CDC25B: variants seen among roughly 807,000 people sequenced by gnomAD.
The protein encoded by CDC25B is cell division cycle 25B, also known as M-phase inducer phosphatase 2.
Under a neutral mutation model 69.8 loss-of-function variants are expected in CDC25B, and 33 were observed. The observed-to-expected ratio is 0.47, with a 90% CI of 0.36 to 0.63. CDC25B has a LOEUF of 0.63. CDC25B is among the 30% of genes least tolerant of loss of function. The probability of loss-of-function intolerance (pLI) is 0.00; values close to 1 mark genes in which losing one functional copy is unlikely to be tolerated. For missense variants in CDC25B, 727 were observed against 809.1 expected (o/e 0.90, Z 1.23); for synonymous variants, 341 against 314.6 (o/e 1.08, Z -0.89).
At chr20:3,797,512 T>C in intron 1 of CDC25B, 110 bp from the exon 2 acceptor site, 1 of 1,377,542 alleles carries the variant, frequency 7.3e-7, no homozygotes, top group Non-Finnish European at 1.0e-6. Context: ...TTTCCCGGTG[T>C]AGTGTTTCGC....
intron 11 of CDC25B, 188 bp from the exon 12 acceptor site, chr20:3,802,722 C>T: frequency 1.6e-6 from 1 of 621,882 alleles, no homozygotes. Flanking sequence ...TCTCTTTCCC[C>T]TTGGAAGGTT....
chr20:3,801,740 C>T lies in CDC25B; in HGVS notation c.859C>T (p.Pro287Ser). 6.2e-7 allele frequency: 1 copy of T among 1,604,668 alleles called. No homozygotes were observed. The highest frequency in any genetic ancestry group is 2.2e-5 in the East Asian group (1 of 44,866). The part of the protein sequence containing the change: ...SDLKDDDAVP[P>S]GMESLISAPL... The stretch of plus-strand genomic sequence containing the variant: ...GCCTCAGGATGATGATGCAGTTCCC[C>T]CAGGCATGGAGAGTCTCATTAGTGC... Residue 287 changes from proline to serine, a missense_variant, in exon 9 of 16, where the codon CCA becomes TCA. By Grantham distance (74) the Pro-to-Ser change is moderately conservative. Around this residue, in one of 2 missense-constraint regions of CDC25B, gnomAD observed 359 missense variants for 463.4 expected, o/e 0.77. Transcript: ENST00000245960.
At chr20:3,790,099 T>G (rs2088889406) in intron 1 of CDC25B, among the ~76,000 whole-genome samples, 1 of 151,744 alleles carries the variant, frequency 6.6e-6, no homozygotes, top group African/African-American at 2.4e-5. Flanking sequence ...GAGGCTGCAA[T>G]GAACTATGAT....
intron 1 of CDC25B, among the ~76,000 whole-genome samples, chr20:3,791,144 A>G (rs1229621840): frequency 6.6e-6 from 1 of 152,250 alleles, no homozygotes; most frequent in Non-Finnish European, 1.5e-5. Context: ...TGCACAGTGC[A>G]AAGGAATCAC....
In CDC25B at chr20:3,798,486, A is replaced by G. The variant is rs767818205; in HGVS notation, c.380+23A>G. On this transcript the variant is annotated intron_variant, in intron 3 of 15. Coordinates refer to ENST00000245960, the MANE Select transcript of CDC25B (RefSeq NM_021873.4). ...GACGTGAGTAGAGAAGGGAATGTGT[A>G]CTTCCAAGCATTCAGCACCTGTCTT... 9 of 1,563,240 alleles carry G rather than the reference A, an allele frequency of 5.8e-6. No homozygotes were observed. In the East Asian group the frequency reaches 2.1e-4, roughly 36 times the overall value.
Position 3,803,074 on chromosome 20 carries a change from A to G in CDC25B, c.1258-34A>G. 2 of 1,600,102 alleles carry G rather than the reference A, an allele frequency of 1.2e-6. No homozygotes were observed. Among genetic ancestry groups the G allele is most frequent in the Non-Finnish European group, 1.7e-6 (2 of 1,167,526 alleles). ...GGGCCACCTGCCAGCTGCCAGCCTG[A>G]CCTGCCGGAACCAACCCCCATGACC... is the stretch of plus-strand genomic sequence containing the variant. On this transcript the variant is annotated intron_variant, in intron 12 of 15. Transcript: ENST00000245960. This position sits in a 1 kb window ranked among gnomAD's most constrained non-coding sequence, Gnocchi z 4.9.
chr20:3,796,180 C>T, upstream of CDC25B: 2 of 1,162,098 alleles, frequency 1.7e-6, no homozygotes, highest in Non-Finnish European at 2.1e-6. Flanking sequence ...CCAGCCTCCG[C>T]GCCTCTTGCC....
At position 3,800,288 on chromosome 20, in the gene CDC25B, G is replaced by T. The variant is rs150375046; in HGVS notation, c.381G>T (p.Thr127=). 6 of 1,613,942 alleles carry T rather than the reference G, an allele frequency of 3.7e-6. No homozygotes were observed. Among genetic ancestry groups the T allele is most frequent in the Non-Finnish European group, 4.2e-6 (5 of 1,179,996 alleles). ...SPMDPHMAEQ[T]FEQAIQAASR... is the part of the protein sequence containing the mutation. ...TGCATGGGACCCTTCTCTGTCCTAG[G>T]TTTGAACAGGCCATCCAGGCAGCCA... Residue 127 remains threonine, a splice_region_variant and synonymous_variant, in exon 4 of 16, where the codon ACG becomes ACT. Transcript: ENST00000245960.
Position 3,791,092 on chromosome 20 carries a change from A to G in CDC25B, c.8+3953A>G, listed in dbSNP as rs375049609. ...AATAATGAGCCCCTACCAAGCAGGC[A>G]TCCCCACCTGACTGCCCGTTCTCCT... On this transcript the variant is annotated intron_variant, in intron 1 of 15. Coordinates refer to the CDC25B transcript ENST00000344256. Among the ~76,000 whole-genome samples the G allele has an allele frequency of 3.3e-5, 5 of 152,336 alleles. No individual in the cohort carries two copies. The South Asian group carries it at 1.0e-3, about 32-fold the overall frequency.
Position 3,803,070 on chromosome 20 carries a change from C to T in CDC25B, c.1258-38C>T, listed in dbSNP as rs747957165. On this transcript the variant is annotated intron_variant, in intron 12 of 15. Transcript: ENST00000245960. The surrounding 1 kb of genome is among the most constrained non-coding windows in gnomAD (Gnocchi z 4.9). The stretch of plus-strand genomic sequence containing the variant: ...GCTAGGGCCACCTGCCAGCTGCCAG[C>T]CTGACCTGCCGGAACCAACCCCCAT... The T allele has an allele frequency of 6.3e-7, 1 of 1,598,430 alleles. No individual in the cohort carries two copies. The highest frequency in any genetic ancestry group is 1.1e-5 in the South Asian group (1 of 90,744).
rs2089372216 is a variant in CDC25B at position 3,803,683 on chromosome 20, C to G, written c.1490+146C>G. 1.0e-6 allele frequency: 1 copy of G among 978,858 alleles called. No individual in the cohort carries two copies. Among genetic ancestry groups the G allele is most frequent in the Non-Finnish European group, 1.5e-6 (1 of 659,810 alleles). 60.6% of individuals were successfully genotyped at this position (978,858 alleles called of 1,614,324 possible). A position where few individuals can be genotyped will look rare whatever the true frequency, so the allele number is the denominator to read the frequency against. Reference sequence around the variant, plus strand: ...TGATGGCCTAGAGCTGACCTCAGCCCCACTTCACTGTGCATGGTACCCGCC... The same window carrying G: ...TGATGGCCTAGAGCTGACCTCAGCCGCACTTCACTGTGCATGGTACCCGCC... On this transcript the variant is annotated intron_variant, in intron 14 of 15. Transcript: ENST00000245960. The surrounding 1 kb of genome is among the most constrained non-coding windows in gnomAD (Gnocchi z 4.9).
At position 3,803,572 on chromosome 20, in the gene CDC25B, G is replaced by T. The variant is rs748806349; in HGVS notation, c.1490+35G>T. 1.5e-5 allele frequency: 24 copies of T among 1,612,716 alleles called. No homozygotes were observed. The highest frequency in any genetic ancestry group is 6.7e-5 in the Admixed American group (4 of 59,988). On this transcript the variant is annotated intron_variant, in intron 14 of 15. Transcript: ENST00000245960. This position sits in a 1 kb window ranked among gnomAD's most constrained non-coding sequence, Gnocchi z 4.9. ...AGCTCCGCCCAGCCAGCTAGTGTCTGCCCTGGCCTTCCCTGCCCAGGCTCA... is the reference window on the plus strand; with the variant it reads ...AGCTCCGCCCAGCCAGCTAGTGTCTTCCCTGGCCTTCCCTGCCCAGGCTCA...
chr20:3,794,297 G>A (rs2088971059), upstream of CDC25B, among the ~76,000 whole-genome samples: 1 of 151,478 alleles, frequency 6.6e-6, no homozygotes, highest in Admixed American at 6.6e-5. Flanking sequence ...CATTCTAACT[G>A]GTGTGAGATG....
rs770933742 is a variant in CDC25B, at chr20:3,805,011, C to T, written c.*50C>T. On this transcript the variant is annotated 3_prime_UTR_variant, in exon 16 of 16. Coordinates refer to ENST00000245960, the MANE Select transcript of CDC25B (RefSeq NM_021873.4). ...TCCCTTGCCTTTCGAGGCCTGAAGCCAGCTGCCCTATGGGCCTGCCGGGCT... is the reference window on the plus strand; with the variant it reads ...TCCCTTGCCTTTCGAGGCCTGAAGCTAGCTGCCCTATGGGCCTGCCGGGCT... 6.3e-7 allele frequency: 1 copy of T among 1,585,462 alleles called. No individual in the cohort carries two copies. Among genetic ancestry groups the T allele is most frequent in the Non-Finnish European group, 8.6e-7 (1 of 1,169,468 alleles).
At chr20:3,798,511 T>A in intron 3 of CDC25B, 48 bp downstream of exon 3, 1 of 1,422,706 alleles carries the variant, frequency 7.0e-7, no homozygotes, top group Non-Finnish European at 9.7e-7. Flanking sequence ...GCACCTGTCT[T>A]TAAGAATCCT....
chr20:3,796,791 C>A, intron 1 of CDC25B, 60 bp downstream of exon 1: 1 of 1,504,968 alleles, frequency 6.6e-7, no homozygotes, highest in Non-Finnish European at 8.8e-7. Flanking sequence ...AGTCCTGGGC[C>A]TCCTGGAGAA....
upstream of CDC25B, among the ~76,000 whole-genome samples, chr20:3,794,728 C>T (rs1036132235): frequency 2.0e-5 from 3 of 152,184 alleles, no homozygotes; most frequent in South Asian, 2.1e-4. Flanking sequence ...GGAAAGGTCA[C>T]GTTCCCACCT....
intron 1 of CDC25B, among the ~76,000 whole-genome samples, chr20:3,787,961 C>T (rs2088851693): frequency 1.3e-5 from 2 of 152,240 alleles, no homozygotes; most frequent in South Asian, 2.1e-4. Context: ...TATAGTGAAA[C>T]TCCGTCTCTA....
upstream of CDC25B, chr20:3,795,643 T>TAG: frequency 1.1e-6 from 1 of 920,346 alleles, no homozygotes; most frequent in Non-Finnish European, 1.3e-6. Flanking sequence ...GGGTAACATC[T>TAG]AACCTGGGGT....
Sources: gnomAD v4.1 joint callset for allele counts (sites outside exome capture counted in the v4.1 genomes callset) on GRCh38, gnomAD v4.1.1 for gene constraint, gnomAD v4.1.1 regional missense constraint, Gnocchi (gnomAD v3.1) non-coding constraint, MANE v1.5 for transcripts, NCBI Gene and HGNC (gene_info 2026-07-23, HGNC 2026-07-21) for gene names.